The following CRACD variants were observed in gnomAD, a reference collection of about 807,000 sequenced individuals.
CRACD encodes capping protein inhibiting regulator of actin dynamics, also known as capping protein-inhibiting regulator of actin dynamics.
Under a neutral mutation model 106.8 loss-of-function variants are expected in CRACD, and 56 were observed. The ratio of observed to expected loss-of-function variants is 0.52; its 90% CI spans 0.42 to 0.66. The LOEUF (loss-of-function observed/expected upper bound fraction) is 0.66, where lower values mean the gene tolerates loss of function less well. Among genes scored for constraint, CRACD ranks in the 30% least tolerant of loss-of-function variants. The pLI, the probability that CRACD is intolerant of heterozygous loss-of-function variation, is 0.00. For synonymous variants in CRACD, 754 were observed against 670.8 expected (o/e 1.12, Z -1.92); for missense variants, 1,730 against 1,623.2 (o/e 1.07, Z -1.13).
rs534583369 is a variant in CRACD at position 56,123,999 on chromosome 4, G to A, written c.-335-55285G>A. Among the ~76,000 whole-genome samples, 10 of 151,922 alleles carry A rather than the reference G, an allele frequency of 6.6e-5. No homozygotes were observed. In the East Asian group the frequency reaches 1.4e-3, roughly 21 times the overall value. On this transcript the variant is annotated intron_variant, in intron 1 of 10. Transcript: ENST00000682029. ...GTTGCCCAGGCTGGAGTGCAATGGC[G>A]TGATCTTGGCTCACTGCAACCTCTG...
At chr4:56,126,023 C>T (rs750890049) in intron 1 of CRACD, among the ~76,000 whole-genome samples, 2 of 151,934 alleles carry the variant, frequency 1.3e-5, no homozygotes, top group African/African-American at 2.4e-5. Flanking sequence ...CTGCTCACCT[C>T]GGCCTCCCAA....
chr4:56,091,670 G>T (rs1253666862), intron 1 of CRACD, among the ~76,000 whole-genome samples: 1 of 152,136 alleles, frequency 6.6e-6, no homozygotes, highest in Non-Finnish European at 1.5e-5. Context: ...ATTGTCATGT[G>T]CTCTGTTATC....
chr4:56,255,133 A>AT lies in CRACD; in HGVS notation c.-188-17188_-188-17187insT, dbSNP rs764759876. Among the ~76,000 whole-genome samples, 748 of 138,820 alleles carry AT rather than the reference A, an allele frequency of 5.4e-3. 23 individuals are homozygous for AT. The highest frequency in any genetic ancestry group is 0.018 in the Admixed American group (239 of 12,948). 91.1% of individuals were successfully genotyped at this position (138,820 alleles called of 152,430 possible). ...CATCTCAAAAAAAAAAAAAAAAAAA[A>AT]ACTAAAAATTGGCCAATGAAATCAT... On this transcript the variant is annotated intron_variant, in intron 2 of 10. Transcript: ENST00000682029.
At chr4:56,197,512 T>C (rs1448093586) in intron 2 of CRACD, among the ~76,000 whole-genome samples, 1 of 152,150 alleles carries the variant, frequency 6.6e-6, no homozygotes, top group Non-Finnish European at 1.5e-5. Flanking sequence ...TCCCTCCCTC[T>C]TTCCCCCACA....
In CRACD at chr4:56,310,659, G is replaced by A. The variant is rs750265331; in HGVS notation, c.286-7G>A. On this transcript the variant is annotated splice_polypyrimidine_tract_variant and splice_region_variant and intron_variant, in intron 5 of 10. Transcript: ENST00000682029. The stretch of plus-strand genomic sequence containing the variant: ...CCTTTGACTTGAATGCTCTCTTACT[G>A]TTCCAGTCCAGTGATACGCCAAGTT... 3.7e-6 allele frequency: 6 copies of A among 1,602,682 alleles called. No individual in the cohort carries two copies. In the East Asian group the frequency reaches 6.7e-5, roughly 18 times the overall value.
intron 2 of CRACD, among the ~76,000 whole-genome samples, chr4:56,179,798 A>T (rs2109434541): frequency 6.6e-6 from 1 of 152,204 alleles, no homozygotes; most frequent in South Asian, 2.1e-4. Context: ...CGGGCGGATC[A>T]CTTGAGGTCA....
At chr4:56,169,385 T>G (rs557092060) in intron 1 of CRACD, among the ~76,000 whole-genome samples, 3 of 152,306 alleles carry the variant, frequency 2.0e-5, no homozygotes, top group Non-Finnish European at 4.4e-5. Context: ...GGAATAGTAC[T>G]CTCAAAAGGA....
At chr4:56,204,795 A>G (rs1222986650) in intron 2 of CRACD, among the ~76,000 whole-genome samples, 4 of 152,178 alleles carry the variant, frequency 2.6e-5, no homozygotes, top group African/African-American at 7.2e-5. Context: ...AAAGGTGAGG[A>G]TTGAGGTAAG....
chr4:56,262,620 G>A (rs1741774037), intron 2 of CRACD, among the ~76,000 whole-genome samples: 1 of 152,174 alleles, frequency 6.6e-6, no homozygotes, highest in Admixed American at 6.5e-5. Context: ...CAAAAGATTG[G>A]ACACTCCTGA....
chr4:56,142,349 ATTTC>A (rs1461853966), intron 1 of CRACD, among the ~76,000 whole-genome samples: 2 of 151,930 alleles, frequency 1.3e-5, no homozygotes, highest in Non-Finnish European at 2.9e-5. Context: ...AGGTTGATTT[ATTTC>A]TTTGTCTTTA....
intron 1 of CRACD, among the ~76,000 whole-genome samples, chr4:56,082,376 C>T (rs1235140348): frequency 1.3e-5 from 2 of 152,122 alleles, no homozygotes. Flanking sequence ...CAGTGGTAAG[C>T]CACGGGAGGC....
At chr4:56,188,659 TTCTCTCTC>T (rs60141459) in intron 2 of CRACD, among the ~76,000 whole-genome samples, 51 of 83,824 alleles carry the variant, frequency 6.1e-4, no homozygotes, top group African/African-American at 2.2e-3. Context: ...ATCTCTCTAT[TTCTCTCTC>T]TCTCTCTCTC....
At chr4:56,311,578 C>G (rs374268463) in intron 6 of CRACD, 8 of 152,160 alleles carry the variant, frequency 5.3e-5, no homozygotes, top group Non-Finnish European at 8.8e-5. Context: ...ATAAAGATAA[C>G]CATAAATAAA....
At chr4:56,223,213 G>T in intron 2 of CRACD, among the ~76,000 whole-genome samples, 1 of 120,488 alleles carries the variant, frequency 8.3e-6, no homozygotes, top group Non-Finnish European at 1.7e-5. Context: ...CGTTTTTCTT[G>T]ATTCTTTTCT....
chr4:56,084,108 A>G (rs996307705), intron 1 of CRACD, among the ~76,000 whole-genome samples: 3 of 152,354 alleles, frequency 2.0e-5, no homozygotes, highest in South Asian at 2.1e-4. Flanking sequence ...CAGGTGTACT[A>G]TAAGAGGCAA....
At chr4:56,132,837 C>T (rs1047997507) in intron 1 of CRACD, among the ~76,000 whole-genome samples, 6 of 152,080 alleles carry the variant, frequency 3.9e-5, no homozygotes, top group African/African-American at 1.4e-4. Flanking sequence ...TTCTTTTTCT[C>T]CCCTCCCGTT....
At chr4:56,308,802 C>T (rs1744933087) in intron 5 of CRACD, 1 of 1,273,792 alleles carries the variant, frequency 7.9e-7, no homozygotes, top group Non-Finnish European at 1.0e-6. Context: ...CAGTGCTAGG[C>T]AGAAGCAACA....
In CRACD at chr4:56,316,630, C is replaced by T. The variant is rs769403011; in HGVS notation, c.3128C>T (p.Pro1043Leu). 11 of 1,612,958 alleles carry T rather than the reference C, an allele frequency of 6.8e-6. No homozygotes were observed. The highest frequency in any genetic ancestry group is 3.3e-5 in the Admixed American group (2 of 60,002). The part of the protein sequence containing the change: ...EEATERKPAS[P>L]PLPATQQEKP... ...GCGACAGAGAGGAAACCTGCTTCCC[C>T]ACCTCTGCCTGCCACTCAGCAAGAG... Residue 1043 changes from proline (P) to leucine (L), a missense_variant, in exon 8 of 11, where the codon CCA becomes CTA. By Grantham distance (98) the Pro-to-Leu change is moderately conservative (BLOSUM62 -3). This residue lies in a region of CRACD where 1,620 missense variants were observed against 1,481.6 expected (regional missense o/e 1.09). Transcript: ENST00000682029.
At chr4:56,312,110 T>G (rs1222578158) in intron 6 of CRACD, among the ~76,000 whole-genome samples, 1 of 152,166 alleles carries the variant, frequency 6.6e-6, no homozygotes, top group Non-Finnish European at 1.5e-5. Flanking sequence ...CCTCTTCCTT[T>G]TATCTTCTCA....
Sources: gnomAD v4.1 joint callset for allele counts (sites outside exome capture counted in the v4.1 genomes callset) on GRCh38, gnomAD v4.1.1 for gene constraint, gnomAD v4.1.1 regional missense constraint, MANE v1.5 for transcripts, NCBI Gene and HGNC (gene_info 2026-07-23, HGNC 2026-07-21) for gene names.